NLGN4Y: variants seen among roughly 807,000 people sequenced by gnomAD.
NLGN4Y encodes neuroligin-4, Y-linked.
NLGN4Y carries 4 observed loss-of-function variants against 8.4 expected under a neutral mutation model. That is an observed-to-expected ratio of 0.48 (90% CI 0.23 to 1.09). The LOEUF (loss-of-function observed/expected upper bound fraction) is 1.09. Ranked by LOEUF, NLGN4Y falls within the 50% of genes least tolerant of loss-of-function variation. The probability of loss-of-function intolerance (pLI) is 0.19; values close to 1 mark genes in which losing one functional copy is unlikely to be tolerated. For synonymous variants in NLGN4Y, 35 were observed against 75.6 expected (o/e 0.46, Z 2.78); for missense variants, 90 against 192.3 (o/e 0.47, Z 3.15).
chrY:14,719,518 G>A lies in NLGN4Y; in HGVS notation c.532G>A (p.Asp178Asn), dbSNP rs1471163413. 3.1e-6 allele frequency: 1 copy of A among 318,437 alleles called. No homozygotes were observed. Among genetic ancestry groups the A allele is most frequent in the Non-Finnish European group, 4.4e-6 (1 of 229,877 alleles). 79.4% of individuals were successfully genotyped at this position (318,437 alleles called of 400,897 possible). ...ITSNDHGEDK[D>N]IHEQNSKKPV... Reference sequence around the variant, plus strand: ...CAGTAATGACCATGGTGAAGATAAAGGTATTTTTTGTTTTTTCAAAGCTCA... The same window carrying A: ...CAGTAATGACCATGGTGAAGATAAAAGTATTTTTTGTTTTTTCAAAGCTCA... The change falls in exon 3 of 7, where the codon GAT becomes AAT. Residue 178 changes from aspartate (D) to asparagine (N), a missense_variant and splice_region_variant. Around this residue, in one of 4 missense-constraint regions of NLGN4Y, gnomAD observed 37 missense variants for 38.5 expected, o/e 0.96. Transcript: ENST00000684976.
chrY:14,789,252 G>A (rs2042978480), intron 4 of NLGN4Y, among the ~76,000 whole-genome samples: 1 of 33,043 alleles, frequency 3.0e-5, no homozygotes, highest in Admixed American at 2.8e-4. Flanking sequence ...TTATAGTCAT[G>A]AGCCACTGTG....
chrY:14,600,253 G>C, intron 1 of NLGN4Y, among the ~76,000 whole-genome samples: 1 of 31,120 alleles, frequency 3.2e-5, no homozygotes, highest in Non-Finnish European at 7.7e-5. Context: ...ATTGTATATA[G>C]ATATATGTGT....
chrY:14,524,611 C>G lies in NLGN4Y; in HGVS notation c.-209C>G. 8.3e-6 allele frequency: 1 copy of G among 120,267 alleles called. No individual in the cohort carries two copies. Among genetic ancestry groups the G allele is most frequent in the African/African-American group, 9.5e-5 (1 of 10,560 alleles). The allele number at this position is 120,267 out of a possible 400,897, so 30.0% of individuals were successfully genotyped here. On this transcript the variant is annotated 5_prime_UTR_variant, in exon 1 of 7. Coordinates refer to ENST00000684976, the MANE Select transcript of NLGN4Y (RefSeq NM_001365588.1). ...GGAGAGAGTGAACTTCAGCCCCGTC[C>G]CCTCCCCACTGCCACGGCTGGGGCA...
At chrY:14,807,232 T>C (rs2043061020) in intron 4 of NLGN4Y, among the ~76,000 whole-genome samples, 1 of 32,718 alleles carries the variant, frequency 3.1e-5, no homozygotes, top group Non-Finnish European at 7.5e-5. Flanking sequence ...TTTCTATTAA[T>C]GAAACTAAAC....
At chrY:14,530,353 A>G (rs2080106744) in intron 1 of NLGN4Y, among the ~76,000 whole-genome samples, 1 of 32,196 alleles carries the variant, frequency 3.1e-5, no homozygotes. Flanking sequence ...AAAATTTACA[A>G]TGAAAGGTGT....
intron 6 of NLGN4Y, among the ~76,000 whole-genome samples, chrY:14,834,003 TA>T (rs1197649820): frequency 1.1e-4 from 2 of 18,346 alleles, no homozygotes; most frequent in South Asian, 1.2e-3. Context: ...ATGTCACTAT[TA>T]AAAAAAAAAA....
chrY:14,716,580 T>G (rs2080916330), intron 2 of NLGN4Y, among the ~76,000 whole-genome samples: 2 of 33,493 alleles, frequency 6.0e-5, no homozygotes, highest in African/African-American at 2.3e-4. Context: ...GGGCCATGGA[T>G]TGGGAAAGAT....
At chrY:14,786,601 C>T (rs1003186197) in intron 4 of NLGN4Y, among the ~76,000 whole-genome samples, 2 of 32,948 alleles carry the variant, frequency 6.1e-5, no homozygotes, top group African/African-American at 1.2e-4. Context: ...TAAAGACATT[C>T]AGTATTTGCT....
At chrY:14,804,225 T>A (rs2043048779) in intron 4 of NLGN4Y, among the ~76,000 whole-genome samples, 1 of 34,070 alleles carries the variant, frequency 2.9e-5, no homozygotes, top group African/African-American at 1.1e-4. Context: ...CCTACCACTG[T>A]AATACCATTC....
intron 2 of NLGN4Y, among the ~76,000 whole-genome samples, chrY:14,688,094 G>C: frequency 3.0e-5 from 1 of 33,558 alleles, no homozygotes. Flanking sequence ...AGAAGGTAGA[G>C]GTGATCACAG....
At chrY:14,721,944 A>G (rs527541150) in intron 3 of NLGN4Y, among the ~76,000 whole-genome samples, 12 of 33,255 alleles carry the variant, frequency 3.6e-4, no homozygotes, top group African/African-American at 9.3e-4. Flanking sequence ...GATAGTCTCT[A>G]ACTTTCTATC....
chrY:14,572,525 C>A, intron 1 of NLGN4Y, among the ~76,000 whole-genome samples: 1 of 32,427 alleles, frequency 3.1e-5, no homozygotes. Context: ...TCTAGATATA[C>A]AATCATGTCA....
At chrY:14,586,146 T>C (rs925983970) in intron 1 of NLGN4Y, among the ~76,000 whole-genome samples, 14 of 33,241 alleles carry the variant, frequency 4.2e-4, no homozygotes, top group African/African-American at 1.7e-3. Context: ...GAAGATGAAG[T>C]TTGCCTTTTC....
chrY:14,588,195 A>T, intron 1 of NLGN4Y, among the ~76,000 whole-genome samples: 1 of 33,792 alleles, frequency 3.0e-5, no homozygotes, highest in Non-Finnish European at 7.3e-5. Flanking sequence ...ATACTGTATT[A>T]GTTCATTTTC....
At chrY:14,789,511 G>A (rs2042978928) in intron 4 of NLGN4Y, among the ~76,000 whole-genome samples, 2 of 32,200 alleles carry the variant, frequency 6.2e-5, no homozygotes, top group African/African-American at 2.4e-4. Context: ...CTCCCACCTC[G>A]GCTTCCCAAG....
At chrY:14,702,269 T>C (rs1603502856) in intron 2 of NLGN4Y, among the ~76,000 whole-genome samples, 1 of 32,620 alleles carries the variant, frequency 3.1e-5, no homozygotes, top group South Asian at 7.1e-4. Context: ...CCATTAACTC[T>C]TCATTTAATG....
In NLGN4Y at chrY:14,534,858, T is replaced by TCTTC. The variant is rs2080126802; in HGVS notation, c.-112+10151_-112+10154dup. On this transcript the variant is annotated intron_variant, in intron 1 of 6. Transcript: ENST00000684976. ...TAAGAAAAAGAACAGTTTGATTCAG[T>TCTTC]CTTCACACATCTTTCTTAAACAGTT... is the stretch of plus-strand genomic sequence containing the variant. Among the ~76,000 whole-genome samples, 4 of 30,988 alleles carry TCTTC rather than the reference T, an allele frequency of 1.3e-4. No homozygotes were observed. The South Asian group carries it at 2.2e-3, about 17-fold the overall frequency. The allele number at this position is 30,988 out of a possible 37,273, so 83.1% of individuals were successfully genotyped here. A position where few individuals can be genotyped will look rare whatever the true frequency, so the allele number is the denominator to read the frequency against.
intron 1 of NLGN4Y, among the ~76,000 whole-genome samples, chrY:14,567,948 G>T: frequency 3.1e-5 from 1 of 32,400 alleles, no homozygotes; most frequent in Non-Finnish European, 7.6e-5. Flanking sequence ...ACAATCTGTT[G>T]CCTTGGATGT....
chrY:14,604,493 C>T, intron 1 of NLGN4Y, among the ~76,000 whole-genome samples: 1 of 33,525 alleles, frequency 3.0e-5, no homozygotes, highest in Non-Finnish European at 7.4e-5. Flanking sequence ...TTTGGCCTTC[C>T]TATCTATGGA....
Sources: gnomAD v4.1 joint callset for allele counts (sites outside exome capture counted in the v4.1 genomes callset) on GRCh38, gnomAD v4.1.1 for gene constraint, gnomAD v4.1.1 regional missense constraint, MANE v1.5 for transcripts, NCBI Gene and HGNC (gene_info 2026-07-23, HGNC 2026-07-21) for gene names.